LYST: variants seen among roughly 807,000 people sequenced by gnomAD.
LYST encodes lysosomal trafficking regulator, also known as lysosomal-trafficking regulator.
A neutral mutation model predicts 413.6 loss-of-function variants in LYST; 192 were observed. The ratio of observed to expected loss-of-function variants is 0.46; its 90% CI spans 0.41 to 0.52. The LOEUF is 0.52. Ranked by LOEUF, LYST falls within the 20% of genes least tolerant of loss-of-function variation. The probability of loss-of-function intolerance (pLI) is 0.00; values close to 1 mark genes in which losing one functional copy is unlikely to be tolerated. For missense variants in LYST, 3,815 were observed against 4,499.9 expected (o/e 0.85, Z 4.35); for synonymous variants, 1,525 against 1,567.3 (o/e 0.97, Z 0.64).
intron 16 of LYST, among the ~76,000 whole-genome samples, chr1:235,780,185 C>T (rs899153568): frequency 1.3e-5 from 2 of 151,886 alleles, no homozygotes; most frequent in East Asian, 1.9e-4. Flanking sequence ...ACGGGAAGAT[C>T]GCTTGAGGCC....
rs1174291866 is a variant in LYST at position 235,699,463 on chromosome 1, TTATC to T, written c.10375-2195_10375-2192del. 6.6e-5 allele frequency among the ~76,000 whole-genome samples: 10 copies of T among 152,318 alleles called. No homozygotes were observed. The East Asian group carries it at 7.7e-4, about 12-fold the overall frequency. On this transcript the variant is annotated intron_variant, in intron 45 of 52. Coordinates refer to ENST00000389793, the MANE Select transcript of LYST (RefSeq NM_000081.4). Reference sequence around the variant, plus strand: ...TAGTATTTCATGGTATATATTTTCTTTATCTAGTCTATCATTGATGGGCATTTGT... The same window carrying T: ...TAGTATTTCATGGTATATATTTTCTTTAGTCTATCATTGATGGGCATTTGT...
chr1:235,689,214 G>T (rs1660459549), intron 47 of LYST, among the ~76,000 whole-genome samples: 1 of 151,954 alleles, frequency 6.6e-6, no homozygotes, highest in Non-Finnish European at 1.5e-5. Flanking sequence ...TTGCTAACAG[G>T]ACTTGTGATA....
chr1:235,881,906 G>C (rs1681391849), intron 1 of LYST, among the ~76,000 whole-genome samples: 1 of 152,254 alleles, frequency 6.6e-6, no homozygotes, highest in Non-Finnish European at 1.5e-5. Flanking sequence ...CAAAATTTCA[G>C]CTGGGGAAGT....
At chr1:235,765,505 T>G (rs921824747) in intron 21 of LYST, among the ~76,000 whole-genome samples, 2 of 152,228 alleles carry the variant, frequency 1.3e-5, no homozygotes, top group Non-Finnish European at 2.9e-5. Context: ...AAGGACCCAT[T>G]TGATATGACT....
upstream of LYST, among the ~76,000 whole-genome samples, chr1:235,868,325 A>G (rs530449469): frequency 1.7e-4 from 26 of 152,246 alleles, no homozygotes; most frequent in Middle Eastern, 6.8e-3. Flanking sequence ...GAGCACCTAC[A>G]ATGCGCTAAG....
At position 235,775,009 on chromosome 1, in the gene LYST, T is replaced by C; in HGVS notation, c.5538A>G (p.Gln1846=). ...RVILSLIKYN[Q]QRVHELENCN... is the part of the protein sequence containing the mutation. Reference sequence around the variant, plus strand: ...AATTTTCTAATTCATGTACTCTTTGTTGGTTGTATTTAATTAATGAGAGTA... The same window carrying C: ...AATTTTCTAATTCATGTACTCTTTGCTGGTTGTATTTAATTAATGAGAGTA... Residue 1846 remains glutamine (Q), a synonymous_variant, in exon 18 of 53, where the codon CAA becomes CAG. Transcript: ENST00000389793. 6.2e-7 allele frequency: 1 copy of C among 1,610,720 alleles called. No homozygotes were observed. The highest frequency in any genetic ancestry group is 8.5e-7 in the Non-Finnish European group (1 of 1,177,820).
rs750522125 is a variant in LYST, at chr1:235,693,456, T to C, written c.10595A>G (p.Gln3532Arg). Reference protein sequence around the residue: ...GVRSMNSTDIQWSAILSWGYA... With the variant: ...GVRSMNSTDIRWSAILSWGYA... The stretch of plus-strand genomic sequence containing the variant: ...TCCCCAGCTCAGGATGGCTGACCAC[T>C]GAATGTCCGTACTGTTCATGCTTCT... Residue 3532 changes from glutamine (Q) to arginine (R), a missense_variant, in exon 47 of 53, where the codon CAG becomes CGG. Around this residue, in one of 4 missense-constraint regions of LYST, gnomAD observed 866 missense variants for 1,156.0 expected, o/e 0.75. Coordinates refer to ENST00000389793, the MANE Select transcript of LYST (RefSeq NM_000081.4). 7.4e-6 allele frequency: 12 copies of C among 1,613,596 alleles called. No individual in the cohort carries two copies. The highest frequency in any genetic ancestry group is 1.0e-5 in the Non-Finnish European group (12 of 1,179,644).
intron 22 of LYST, among the ~76,000 whole-genome samples, chr1:235,761,627 T>C (rs1184067458): frequency 6.6e-6 from 1 of 152,114 alleles, no homozygotes; most frequent in Non-Finnish European, 1.5e-5. Context: ...GTTAGCATTT[T>C]TCAGTTCAAG....
chr1:235,666,216 G>GT (rs1393310055), intron 50 of LYST, among the ~76,000 whole-genome samples: 1 of 130,536 alleles, frequency 7.7e-6, no homozygotes, highest in Non-Finnish European at 1.6e-5. Context: ...ACAAAATGCA[G>GT]TATGTACATA....
chr1:235,733,401 G>T, intron 34 of LYST, 102 bp downstream of exon 34: 2 of 996,306 alleles, frequency 2.0e-6, no homozygotes, highest in Non-Finnish European at 3.1e-6. Flanking sequence ...ATTGTTTAAT[G>T]AAATGATTTT....
At chr1:235,703,887 T>A (rs1474663017) in intron 44 of LYST, among the ~76,000 whole-genome samples, 11 of 152,060 alleles carry the variant, frequency 7.2e-5, no homozygotes, top group Non-Finnish European at 1.6e-4. Flanking sequence ...AGTAGTTATT[T>A]TTTCTGATCC....
intron 1 of LYST, among the ~76,000 whole-genome samples, chr1:235,872,679 G>A (rs899600857): frequency 7.2e-5 from 11 of 152,194 alleles, no homozygotes; most frequent in African/African-American, 2.6e-4. Context: ...CCAGCTCTTT[G>A]AGAGGTGGGC....
At chr1:235,680,325 A>G (rs1659708844) in intron 48 of LYST, among the ~76,000 whole-genome samples, 1 of 152,170 alleles carries the variant, frequency 6.6e-6, no homozygotes, top group Non-Finnish European at 1.5e-5. Flanking sequence ...GTGTGATTAT[A>G]GCTCACTGTA....
intron 3 of LYST, among the ~76,000 whole-genome samples, chr1:235,822,607 G>C (rs1018105621): frequency 6.6e-6 from 1 of 152,186 alleles, no homozygotes; most frequent in Non-Finnish European, 1.5e-5. Context: ...TACTTCAAGA[G>C]GCGTAGAGGG....
intron 34 of LYST, among the ~76,000 whole-genome samples, chr1:235,732,464 G>A (rs530577988): frequency 3.3e-5 from 5 of 152,132 alleles, no homozygotes; most frequent in Non-Finnish European, 5.9e-5. Context: ...ACTGTGCCTG[G>A]CCTGCCTTCC....
At chr1:235,672,570 T>C (rs1312685580) in intron 50 of LYST, among the ~76,000 whole-genome samples, 1 of 152,234 alleles carries the variant, frequency 6.6e-6, no homozygotes, top group Non-Finnish European at 1.5e-5. Context: ...ATAGAGTTTG[T>C]ACTGCAAATA....
In LYST at chr1:235,766,288, A is replaced by T. The variant is rs772797147; in HGVS notation, c.5923-11T>A. 38 of 1,574,866 alleles carry T rather than the reference A, an allele frequency of 2.4e-5. No individual in the cohort carries two copies. Among genetic ancestry groups the T allele is most frequent in the Middle Eastern group, 1.7e-4 (1 of 5,924 alleles). On this transcript the variant is annotated splice_polypyrimidine_tract_variant and intron_variant, in intron 20 of 52. Coordinates refer to ENST00000389793, the MANE Select transcript of LYST (RefSeq NM_000081.4). ...CCCCTCTTTGTATTCCTGAAAAAAT[A>T]AAAAAAACTCTCTTTAGATTTAAAG...
At chr1:235,796,950 T>C (rs566140923) in intron 10 of LYST, among the ~76,000 whole-genome samples, 15 of 152,270 alleles carry the variant, frequency 9.9e-5, no homozygotes, top group African/African-American at 3.4e-4. Flanking sequence ...TCCACCAGGA[T>C]AGATATAATT....
chr1:235,726,811 T>C (rs1663917718), intron 38 of LYST, among the ~76,000 whole-genome samples: 1 of 152,202 alleles, frequency 6.6e-6, no homozygotes, highest in Non-Finnish European at 1.5e-5. Flanking sequence ...CTCAGACTCT[T>C]CTGTCACCTC....
Sources: allele counts gnomAD v4.1 joint callset (sites outside exome capture counted in the v4.1 genomes callset), GRCh38; gene constraint gnomAD v4.1.1; regional missense constraint gnomAD v4.1.1; transcripts MANE v1.5; gene names NCBI Gene and HGNC (gene_info 2026-07-23, HGNC 2026-07-21).